The following FNIP2 variants were observed in gnomAD, a reference collection of about 807,000 sequenced individuals.
FNIP2 encodes folliculin interacting protein 2.
A neutral mutation model predicts 108.7 loss-of-function variants in FNIP2; 32 were observed. The ratio of observed to expected loss-of-function variants is 0.29; its 90% CI spans 0.22 to 0.40. The LOEUF is 0.40. FNIP2 is among the 10% of genes least tolerant of loss of function. FNIP2 has a pLI of 1.00. For synonymous variants in FNIP2, 480 were observed against 496.7 expected (o/e 0.97, Z 0.45); for missense variants, 1,202 against 1,381.6 (o/e 0.87, Z 2.06).
intron 1 of FNIP2, among the ~76,000 whole-genome samples, chr4:158,803,320 C>T (rs1317737821): frequency 1.3e-5 from 2 of 151,934 alleles, no homozygotes; most frequent in African/African-American, 2.4e-5. Flanking sequence ...GAGCAGGCAC[C>T]CAGCATGATA....
At chr4:158,780,748 T>C (rs908670031) in intron 1 of FNIP2, among the ~76,000 whole-genome samples, 3 of 152,138 alleles carry the variant, frequency 2.0e-5, no homozygotes, top group Admixed American at 1.3e-4. Flanking sequence ...AAGTATGAAG[T>C]GTAGCTGAGT....
chr4:158,804,131 G>A (rs527905397), intron 1 of FNIP2, among the ~76,000 whole-genome samples: 3 of 152,094 alleles, frequency 2.0e-5, no homozygotes, highest in African/African-American at 7.2e-5. Context: ...TAGTAGAGAC[G>A]GGGTTTCACC....
chr4:158,832,293 C>A (rs1578882791), intron 5 of FNIP2, among the ~76,000 whole-genome samples, 155 bp downstream of exon 5: 1 of 152,162 alleles, frequency 6.6e-6, no homozygotes, highest in Non-Finnish European at 1.5e-5. Flanking sequence ...GTCCTATAAA[C>A]AGTGAGTGGG....
intron 7 of FNIP2, among the ~76,000 whole-genome samples, chr4:158,842,331 A>T (rs1451134264): frequency 6.6e-6 from 1 of 152,248 alleles, no homozygotes; most frequent in African/African-American, 2.4e-5. Flanking sequence ...GTAATAACTT[A>T]TATTAAAAGA....
intron 1 of FNIP2, among the ~76,000 whole-genome samples, chr4:158,772,333 A>G (rs915903639): frequency 9.9e-5 from 15 of 152,222 alleles, no homozygotes; most frequent in African/African-American, 3.6e-4. Context: ...AAGCCACGCT[A>G]TGTCCAGTGA....
chr4:158,839,867 C>G (rs1175931984), intron 7 of FNIP2, among the ~76,000 whole-genome samples: 3 of 152,186 alleles, frequency 2.0e-5, no homozygotes, highest in African/African-American at 7.2e-5. Context: ...TCAGCCATTT[C>G]TCCACTTATA....
At chr4:158,837,178 A>T (rs1778860169) in intron 7 of FNIP2, among the ~76,000 whole-genome samples, 1 of 152,192 alleles carries the variant, frequency 6.6e-6, no homozygotes, top group African/African-American at 2.4e-5. Context: ...CCTTACCAGA[A>T]GTCGCAGAGT....
At chr4:158,843,443 T>C (rs947136831) in intron 7 of FNIP2, among the ~76,000 whole-genome samples, 2 of 152,204 alleles carry the variant, frequency 1.3e-5, no homozygotes, top group African/African-American at 2.4e-5. Flanking sequence ...TGGCGGACAT[T>C]TTTTTCTAGG....
At chr4:158,875,517 T>TATATAG (rs1157388877) in intron 14 of FNIP2, among the ~76,000 whole-genome samples, 2 of 67,652 alleles carry the variant, frequency 3.0e-5, no homozygotes, top group African/African-American at 9.2e-5. Context: ...CTGGCTGTGA[T>TATATAG]ATATATATAT....
chr4:158,791,810 TACATCA>T (rs1776428349), intron 1 of FNIP2, among the ~76,000 whole-genome samples: 1 of 152,172 alleles, frequency 6.6e-6, no homozygotes. Flanking sequence ...GAGGGTTATA[TACATCA>T]GTAATCTCGA....
At chr4:158,782,443 G>A (rs965210933) in intron 1 of FNIP2, among the ~76,000 whole-genome samples, 1 of 151,898 alleles carries the variant, frequency 6.6e-6, no homozygotes, top group Non-Finnish European at 1.5e-5. Context: ...TCCAGCCTAT[G>A]GCAAAATCTG....
At chr4:158,858,236 A>C (rs1780097769) in intron 8 of FNIP2, among the ~76,000 whole-genome samples, 1 of 152,234 alleles carries the variant, frequency 6.6e-6, no homozygotes, top group Non-Finnish European at 1.5e-5. Context: ...ATGTATCGCC[A>C]GTCTAGGGCT....
rs148298196 is a variant in FNIP2, at chr4:158,786,542, G to A, written c.107+17223G>A. Among the ~76,000 whole-genome samples, 418 of 152,216 alleles carry A rather than the reference G, an allele frequency of 2.7e-3. 1 individual carries two copies. The highest frequency in any genetic ancestry group is 8.1e-3 in the African/African-American group (337 of 41,538). ...GAGCTGCCAGAAGCTCATTCCTTCC[G>A]TTTGCATTTTTGTGAATGTCAGTTC... On this transcript the variant is annotated intron_variant, in intron 1 of 16. Transcript: ENST00000264433.
At chr4:158,872,161 C>T in intron 14 of FNIP2, 1 of 985,392 alleles carries the variant, frequency 1.0e-6, no homozygotes, top group Non-Finnish European at 1.2e-6. Context: ...ATCAGTTTTA[C>T]CAGCTGGGGA....
intron 1 of FNIP2, among the ~76,000 whole-genome samples, chr4:158,820,148 A>G (rs551499932): frequency 6.6e-6 from 1 of 152,250 alleles, no homozygotes; most frequent in South Asian, 2.1e-4. Context: ...GTTTCCTATC[A>G]TTCCTGACTG....
chr4:158,781,357 G>C lies in FNIP2; in HGVS notation c.107+12038G>C, dbSNP rs187310936. 3.2e-4 allele frequency among the ~76,000 whole-genome samples: 48 copies of C among 152,282 alleles called. No individual in the cohort carries two copies. In the South Asian group the frequency reaches 3.7e-3, roughly 12 times the overall value. ...GTCTCTGTGAAATCAGAGTGTTCTT[G>C]TGAGGCAAGATACATTTGGACCGAA... On this transcript the variant is annotated intron_variant, in intron 1 of 16. Transcript: ENST00000264433.
intron 1 of FNIP2, among the ~76,000 whole-genome samples, chr4:158,787,320 T>G (rs566147676): frequency 6.6e-6 from 1 of 152,232 alleles, no homozygotes; most frequent in Non-Finnish European, 1.5e-5. Context: ...TCCCATAGTT[T>G]TCTTTTCTAA....
intron 8 of FNIP2, among the ~76,000 whole-genome samples, chr4:158,851,834 A>G (rs1779719037): frequency 6.6e-6 from 1 of 152,224 alleles, no homozygotes; most frequent in African/African-American, 2.4e-5. Flanking sequence ...AAATATATGA[A>G]GTCAAGGGTT....
At chr4:158,805,507 G>T (rs1011280496) in intron 1 of FNIP2, among the ~76,000 whole-genome samples, 4 of 152,112 alleles carry the variant, frequency 2.6e-5, no homozygotes, top group Non-Finnish European at 4.4e-5. Flanking sequence ...AGTTCTGAGG[G>T]TTTATGGCTG....
Sources: gnomAD v4.1 joint callset for allele counts (sites outside exome capture counted in the v4.1 genomes callset) on GRCh38, gnomAD v4.1.1 for gene constraint, MANE v1.5 for transcripts, NCBI Gene and HGNC (gene_info 2026-07-23, HGNC 2026-07-21) for gene names.